ARHGAP42: variants seen among roughly 807,000 people sequenced by gnomAD.
ARHGAP42 encodes Rho GTPase activating protein 42, also known as rho GTPase-activating protein 42.
In ARHGAP42, 63 loss-of-function variants were observed where a neutral mutation model predicts 125.0. The observed-to-expected ratio is 0.50, with a 90% confidence interval of 0.41 to 0.62. The LOEUF is 0.62. Ranked by LOEUF, ARHGAP42 falls within the 20% of genes least tolerant of loss-of-function variation. The probability of loss-of-function intolerance (pLI) is 0.00; values close to 1 mark genes in which losing one functional copy is unlikely to be tolerated. For missense variants in ARHGAP42, 766 were observed against 1,024.2 expected, an observed-to-expected ratio of 0.75 and a Z score of 3.44; for synonymous variants, 339 against 351.0, an observed-to-expected ratio of 0.97 and a Z score of 0.38.
At chr11:100,802,031 C>T (rs903974642) in intron 3 of ARHGAP42, among the ~76,000 whole-genome samples, 27 of 152,278 alleles carry the variant, frequency 1.8e-4, no homozygotes, top group Admixed American at 4.6e-4. Flanking sequence ...TAGAAGGTGT[C>T]ATTGATTAGG....
At chr11:100,907,083 C>T (rs1193938567) in intron 4 of ARHGAP42, among the ~76,000 whole-genome samples, 1 of 152,214 alleles carries the variant, frequency 6.6e-6, no homozygotes, top group Admixed American at 6.5e-5. Context: ...AGACTTCACC[C>T]CTCTACAATC....
At chr11:100,977,227 G>A (rs1355872674) in intron 21 of ARHGAP42, among the ~76,000 whole-genome samples, 1 of 152,134 alleles carries the variant, frequency 6.6e-6, no homozygotes, top group Non-Finnish European at 1.5e-5. Flanking sequence ...CTTAATTTGA[G>A]GAAATGAAAA....
chr11:100,840,758 T>A (rs1292663029), intron 3 of ARHGAP42: 1 of 152,192 alleles, frequency 6.6e-6, no homozygotes, highest in Non-Finnish European at 1.5e-5. Flanking sequence ...AGCGCCTAAT[T>A]GTTTCTTAAT....
intron 3 of ARHGAP42, among the ~76,000 whole-genome samples, chr11:100,858,644 A>G (rs1475667345): frequency 6.6e-6 from 1 of 152,152 alleles, no homozygotes; most frequent in Non-Finnish European, 1.5e-5. Flanking sequence ...GAACACTTGT[A>G]TACCTTTTAA....
At chr11:100,751,277 G>GTTTTTTTTTTTTTTTTTTTTTT (rs756243174) in intron 1 of ARHGAP42, among the ~76,000 whole-genome samples, 13 of 121,668 alleles carry the variant, frequency 1.1e-4, no homozygotes, top group African/African-American at 2.7e-4. Context: ...GTGTGTGTGT[G>GTTTTTTTTTTTTTTTTTTTTTT]TGTTTTTTTT....
chr11:100,812,441 G>A lies in ARHGAP42; in HGVS notation c.312+17275G>A, dbSNP rs566472468. The stretch of plus-strand genomic sequence containing the variant: ...AAGAGCTTCTGCCTTCCAGTTGGCA[G>A]AAACAGACATAACAAAGAAGAAAGT... On this transcript the variant is annotated intron_variant, in intron 3 of 23. Transcript: ENST00000298815. Among the ~76,000 whole-genome samples, 30 of 152,314 alleles carry A rather than the reference G, an allele frequency of 2.0e-4. No individual in the cohort carries two copies. The East Asian group carries it at 4.4e-3, about 23-fold the overall frequency.
At chr11:100,938,374 A>G (rs1867791526) in intron 8 of ARHGAP42, among the ~76,000 whole-genome samples, 1 of 152,104 alleles carries the variant, frequency 6.6e-6, no homozygotes. Context: ...GACCCTTAGC[A>G]GTGTCTGAAT....
intron 1 of ARHGAP42, among the ~76,000 whole-genome samples, chr11:100,764,318 C>T (rs1862781566): frequency 6.6e-6 from 1 of 152,184 alleles, no homozygotes; most frequent in Non-Finnish European, 1.5e-5. Flanking sequence ...GCCAATATGC[C>T]TAGCCCCTCC....
chr11:100,976,136 T>G lies in ARHGAP42; in HGVS notation c.1935T>G (p.Asn645Lys). 1.3e-6 allele frequency: 2 copies of G among 1,551,602 alleles called. No individual in the cohort carries two copies. The highest frequency in any genetic ancestry group is 1.7e-6 in the Non-Finnish European group (2 of 1,146,838). ...ESLSSHSSEQ[N>K]STTKSASCQP... ...TCTCTTCTCATTCCTCTGAACAAAATAGCACTACAAAGTCAGCTTCCTGCC... is the reference window on the plus strand; with the variant it reads ...TCTCTTCTCATTCCTCTGAACAAAAGAGCACTACAAAGTCAGCTTCCTGCC... Residue 645 changes from asparagine (N) to lysine (K), a missense_variant, in exon 20 of 24, where the codon AAT becomes AAG. Coordinates refer to ENST00000298815, the MANE Select transcript of ARHGAP42 (RefSeq NM_152432.4).
chr11:100,770,231 G>C (rs1479273907), intron 1 of ARHGAP42, 112 bp from the exon 2 acceptor site: 4 of 735,698 alleles, frequency 5.4e-6, no homozygotes, highest in Non-Finnish European at 8.6e-6. Context: ...GGTATTAAAG[G>C]ATTCTGGTTC....
chr11:100,971,096 G>A (rs571401434), intron 17 of ARHGAP42, among the ~76,000 whole-genome samples: 56 of 152,210 alleles, frequency 3.7e-4, no homozygotes, highest in African/African-American at 1.3e-3. Context: ...AAGAAAGAGG[G>A]AGCCAGTTGT....
At chr11:100,762,572 C>T (rs7126324) in intron 1 of ARHGAP42, among the ~76,000 whole-genome samples, 39,185 of 151,984 alleles carry the variant, frequency 0.26, 5,273 homozygotes, top group Non-Finnish European at 0.29. Flanking sequence ...TAATGAAGAC[C>T]GATTTTTAAT....
At chr11:100,817,697 C>T (rs1337069008) in intron 3 of ARHGAP42, among the ~76,000 whole-genome samples, 1 of 152,136 alleles carries the variant, frequency 6.6e-6, no homozygotes, top group Non-Finnish European at 1.5e-5. Context: ...ATCCTCAGAG[C>T]CACTGCACAA....
intron 1 of ARHGAP42, among the ~76,000 whole-genome samples, chr11:100,721,164 T>C (rs905016415): frequency 6.6e-6 from 1 of 152,216 alleles, no homozygotes; most frequent in African/African-American, 2.4e-5. Flanking sequence ...TACAACTGGA[T>C]GGGTTTTGGC....
intron 1 of ARHGAP42, among the ~76,000 whole-genome samples, chr11:100,769,716 T>C (rs1341217465): frequency 8.9e-5 from 1 of 11,216 alleles, no homozygotes; most frequent in African/African-American, 2.9e-4. Context: ...TTCCTTCTTT[T>C]TTTTTTTTTT....
intron 12 of ARHGAP42, among the ~76,000 whole-genome samples, chr11:100,956,120 C>T: frequency 6.6e-6 from 1 of 152,150 alleles, no homozygotes; most frequent in African/African-American, 2.4e-5. Context: ...TCAACAGGCA[C>T]TGCCACTGCT....
At position 100,933,261 on chromosome 11, in the gene ARHGAP42, G is replaced by T; in HGVS notation, c.702+1G>T. Reference sequence around the variant, plus strand: ...ACAGCTGCAGTTCAACTTGCAGAATGTAAGAGTATACCTGTTCTTACTGTC... The same window carrying T: ...ACAGCTGCAGTTCAACTTGCAGAATTTAAGAGTATACCTGTTCTTACTGTC... On this transcript the variant is annotated splice_donor_variant, in intron 7 of 23. Coordinates refer to ENST00000298815, the MANE Select transcript of ARHGAP42 (RefSeq NM_152432.4). LOFTEE classifies it high-confidence loss of function. The T allele has an allele frequency of 6.5e-7, 1 of 1,541,888 alleles. No individual in the cohort carries two copies. Among genetic ancestry groups the T allele is most frequent in the South Asian group, 1.2e-5 (1 of 83,582 alleles).
intron 1 of ARHGAP42, among the ~76,000 whole-genome samples, chr11:100,751,836 A>G (rs559509219): frequency 2.9e-3 from 390 of 135,926 alleles, no homozygotes; most frequent in Non-Finnish European, 4.7e-3. Context: ...CTGGAGTGCA[A>G]TGGTGCGATC....
At chr11:100,971,368 A>G (rs1044803435) in intron 17 of ARHGAP42, among the ~76,000 whole-genome samples, 1 of 152,158 alleles carries the variant, frequency 6.6e-6, no homozygotes, top group African/African-American at 2.4e-5. Context: ...GATTTGAAAC[A>G]ATACAAGTTG....
Sources: gnomAD v4.1 joint callset for allele counts (sites outside exome capture counted in the v4.1 genomes callset) on GRCh38, gnomAD v4.1.1 for gene constraint, MANE v1.5 for transcripts, NCBI Gene and HGNC (gene_info 2026-07-23, HGNC 2026-07-21) for gene names.